Variants in FOXK1 observed in about 807,000 individuals in gnomAD.
FOXK1 encodes the protein forkhead box protein K1.
FOXK1 carries 19 observed loss-of-function variants against 51.9 expected under a neutral mutation model. The ratio of observed to expected loss-of-function variants is 0.37; its 90% confidence interval spans 0.26 to 0.54. The LOEUF (loss-of-function observed/expected upper bound fraction) is 0.54. Among genes scored for constraint, FOXK1 ranks in the 20% least tolerant of loss-of-function variants. FOXK1 has a pLI of 0.87. For synonymous variants in FOXK1, 537 were observed against 482.6 expected (o/e 1.11, Z -1.48); for missense variants, 870 against 1,032.7 (o/e 0.84, Z 2.16).
rs1445736799 is a variant in FOXK1 at position 4,729,385 on chromosome 7, A to G, written c.561-11453A>G. Among the ~76,000 whole-genome samples, 1 of 152,158 alleles carries G rather than the reference A, an allele frequency of 6.6e-6. No homozygotes were observed. The highest frequency in any genetic ancestry group is 1.5e-5 in the Non-Finnish European group (1 of 68,030). The stretch of plus-strand genomic sequence containing the variant: ...GCAGAGTAAAGCTGTGGGAGTCACC[A>G]CGGGTCCCCATGTTGGGATTGGGAA... On this transcript the variant is annotated intron_variant, in intron 1 of 8. Coordinates refer to ENST00000328914, the MANE Select transcript of FOXK1 (RefSeq NM_001037165.2). This position sits in a 1 kb window ranked among gnomAD's most constrained non-coding sequence, Gnocchi z 6.2.
At chr7:4,685,971 C>A (rs542085742) in intron 1 of FOXK1, among the ~76,000 whole-genome samples, 87 of 150,290 alleles carry the variant, frequency 5.8e-4, no homozygotes, top group Admixed American at 3.7e-3. Flanking sequence ...AAAAAAAAAA[C>A]CAAAAAACGA....
In FOXK1 at chr7:4,709,615, C is replaced by A. The variant is rs1258279088; in HGVS notation, c.560+26747C>A. On this transcript the variant is annotated intron_variant, in intron 1 of 8. Transcript: ENST00000328914. This position sits in a 1 kb window ranked among gnomAD's most constrained non-coding sequence, Gnocchi z 5.6. ...TGGTCTGCTAGAAAAGGGGAGGTTGCAGAAGATTTTAACTTTGTTAAAATC... is the reference window on the plus strand; with the variant it reads ...TGGTCTGCTAGAAAAGGGGAGGTTGAAGAAGATTTTAACTTTGTTAAAATC... Among the ~76,000 whole-genome samples, 7 of 152,184 alleles carry A rather than the reference C, an allele frequency of 4.6e-5. No individual in the cohort carries two copies. Among genetic ancestry groups the A allele is most frequent in the Non-Finnish European group, 1.0e-4 (7 of 68,042 alleles).
Position 4,735,178 on chromosome 7 carries a change from G to T in FOXK1, c.561-5660G>T, listed in dbSNP as rs1337947879. Among the ~76,000 whole-genome samples the T allele has an allele frequency of 1.3e-5, 2 of 152,134 alleles. No individual in the cohort carries two copies. The highest frequency in any genetic ancestry group is 2.9e-5 in the Non-Finnish European group (2 of 68,030). ...GTGGCCAGTTCCAGCTCGCTGTGTAGAGACGGCTCTGTGGTCTGAGGCTGA... is the reference window on the plus strand; with the variant it reads ...GTGGCCAGTTCCAGCTCGCTGTGTATAGACGGCTCTGTGGTCTGAGGCTGA... On this transcript the variant is annotated intron_variant, in intron 1 of 8. Coordinates refer to ENST00000328914, the MANE Select transcript of FOXK1 (RefSeq NM_001037165.2). The surrounding 1 kb of genome is among the most constrained non-coding windows in gnomAD (Gnocchi z 4.7).
Position 4,682,595 on chromosome 7 carries a change from C to A in FOXK1, c.287C>A (p.Ala96Asp). 7.5e-7 allele frequency: 1 copy of A among 1,334,460 alleles called. No individual in the cohort carries two copies. 82.7% of individuals were successfully genotyped at this position (1,334,460 alleles called of 1,614,324 possible). ...AAPALVAAAA[A>D]SVRQSPGPAL... ...CCGGCCCTGGTGGCCGCGGCGGCCG[C>A]CTCGGTACGGCAGAGCCCGGGGCCG... Residue 96 changes from alanine (A) to aspartate (D), a missense_variant, in exon 1 of 9, where the codon GCC becomes GAC. Physicochemically the swap from Ala to Asp is moderately radical, Grantham distance 126. Transcript: ENST00000328914. The surrounding 1 kb of genome is among the most constrained non-coding windows in gnomAD (Gnocchi z 7.6).
intron 1 of FOXK1, among the ~76,000 whole-genome samples, chr7:4,718,967 G>A (rs542059444): frequency 2.6e-5 from 4 of 152,112 alleles, no homozygotes; most frequent in African/African-American, 7.2e-5. Flanking sequence ...CCGCCACCAC[G>A]CCCGGCTAAT....
In FOXK1 at chr7:4,682,545, G is replaced by T; in HGVS notation, c.237G>T (p.Gly79=). The T allele has an allele frequency of 1.1e-5, 13 of 1,149,482 alleles. No homozygotes were observed. Among genetic ancestry groups the T allele is most frequent in the Non-Finnish European group, 1.4e-5 (13 of 938,502 alleles). 71.2% of individuals were successfully genotyped at this position (1,149,482 alleles called of 1,614,324 possible). ...CCGGGGGCTCCTCCGGGGTATCCGG[G>T]GACTCCGCGGTCGCGGGCGCGGCGC... is the stretch of plus-strand genomic sequence containing the variant. ...GSSGGSSGVS[G]DSAVAGAAPA... The change falls in exon 1 of 9, where the codon GGG becomes GGT. Residue 79 remains glycine (G), a synonymous_variant. Transcript: ENST00000328914. This position sits in a 1 kb window ranked among gnomAD's most constrained non-coding sequence, Gnocchi z 7.6.
chr7:4,728,347 T>A (rs1043294224), intron 1 of FOXK1, among the ~76,000 whole-genome samples: 1 of 152,248 alleles, frequency 6.6e-6, no homozygotes, highest in African/African-American at 2.4e-5. Context: ...ATTTTAACCC[T>A]CAGTCCTCGG....
chr7:4,756,266 C>A lies in FOXK1; in HGVS notation c.1051-728C>A, dbSNP rs1780851941. 6.6e-6 allele frequency among the ~76,000 whole-genome samples: 1 copy of A among 152,186 alleles called. No homozygotes were observed. Among genetic ancestry groups the A allele is most frequent in the African/African-American group, 2.4e-5 (1 of 41,552 alleles). On this transcript the variant is annotated intron_variant, in intron 4 of 8. Transcript: ENST00000328914. This position sits in a 1 kb window ranked among gnomAD's most constrained non-coding sequence, Gnocchi z 4.1. Reference sequence around the variant, plus strand: ...AGTAGCTGGGGCTACAGGTGCCCACCACCACACCTGGCTATTTTTTGTATT... The same window carrying A: ...AGTAGCTGGGGCTACAGGTGCCCACAACCACACCTGGCTATTTTTTGTATT...
At chr7:4,728,619 G>A (rs1442530781) in intron 1 of FOXK1, among the ~76,000 whole-genome samples, 2 of 151,916 alleles carry the variant, frequency 1.3e-5, no homozygotes, top group Non-Finnish European at 2.9e-5. Context: ...AGCTAGGCGT[G>A]GTGGTGCAAG....
intron 1 of FOXK1, among the ~76,000 whole-genome samples, chr7:4,695,235 C>T (rs1779937601): frequency 6.6e-6 from 1 of 152,244 alleles, no homozygotes; most frequent in African/African-American, 2.4e-5. Flanking sequence ...TATCCACCTC[C>T]CTCGGGTTGG....
intron 1 of FOXK1, among the ~76,000 whole-genome samples, chr7:4,701,839 G>T (rs1780024467): frequency 6.6e-6 from 1 of 152,250 alleles, no homozygotes; most frequent in Non-Finnish European, 1.5e-5. Flanking sequence ...TTTGCAGTGA[G>T]CGGAGATCGC....
chr7:4,755,320 C>T lies in FOXK1; in HGVS notation c.987C>T (p.Ser329=), dbSNP rs148899828. The change falls in exon 4 of 9, where the codon AGC becomes AGT. Residue 329 remains serine, a synonymous_variant. Coordinates refer to ENST00000328914, the MANE Select transcript of FOXK1 (RefSeq NM_001037165.2). This position sits in a 1 kb window ranked among gnomAD's most constrained non-coding sequence, Gnocchi z 6.6. Reference sequence around the variant, plus strand: ...CCCAGGACCGGCAGCTGACCCTGAGCGGGATCTACGCCCACATCACCAAGC... The same window carrying T: ...CCCAGGACCGGCAGCTGACCCTGAGTGGGATCTACGCCCACATCACCAAGC... ...SSAQDRQLTL[S]GIYAHITKHY... The T allele has an allele frequency of 5.4e-4, 870 of 1,613,876 alleles. 6 individuals are homozygous for T. Among genetic ancestry groups the T allele is most frequent in the Non-Finnish European group, 7.6e-5 (90 of 1,180,032 alleles).
At chr7:4,717,710 C>G (rs1294494570) in intron 1 of FOXK1, among the ~76,000 whole-genome samples, 1 of 152,184 alleles carries the variant, frequency 6.6e-6, no homozygotes, top group Non-Finnish European at 1.5e-5. Flanking sequence ...CCTTGTCTCT[C>G]TGAGCATTGC....
intron 3 of FOXK1, 181 bp downstream of exon 3, chr7:4,754,796 A>G (rs554512023): frequency 9.1e-6 from 7 of 770,538 alleles, no homozygotes; most frequent in African/African-American, 8.7e-5. Flanking sequence ...TTCGTGCCCA[A>G]ATCATCCCCG....
At position 4,756,953 on chromosome 7, in the gene FOXK1, T is replaced by A; in HGVS notation, c.1051-41T>A. On this transcript the variant is annotated intron_variant, in intron 4 of 8. Transcript: ENST00000328914. The surrounding 1 kb of genome is among the most constrained non-coding windows in gnomAD (Gnocchi z 4.1). ...TTTGAGGTGGGTGGGACTCATTTTC[T>A]GATTTGCTGGTGATGGGTGAATATC... 1 of 1,600,496 alleles carries A rather than the reference T, an allele frequency of 6.2e-7. No homozygotes were observed. Among genetic ancestry groups the A allele is most frequent in the Middle Eastern group, 1.9e-4 (1 of 5,228 alleles).
rs894359320 is a variant in FOXK1, at chr7:4,747,424, T to C, written c.746+6401T>C. Reference sequence around the variant, plus strand: ...AGAGCAGCTCCTGTTGAAGCCACCATGCTGGTTATTCTCACCAGGGCAAAG... The same window carrying C: ...AGAGCAGCTCCTGTTGAAGCCACCACGCTGGTTATTCTCACCAGGGCAAAG... On this transcript the variant is annotated intron_variant, in intron 2 of 8. Transcript: ENST00000328914. The surrounding 1 kb of genome is among the most constrained non-coding windows in gnomAD (Gnocchi z 9.2). 1.3e-5 allele frequency among the ~76,000 whole-genome samples: 2 copies of C among 152,372 alleles called. No homozygotes were observed. Among genetic ancestry groups the C allele is most frequent in the Admixed American group, 6.5e-5 (1 of 15,308 alleles).
In FOXK1 at chr7:4,683,072, C is replaced by T. The variant is rs922901225; in HGVS notation, c.560+204C>T. ...TGGCTCCCTAGGATCACCCCGACCCCGATCCTGGAGGCTCCAGCCTGAGGA... is the reference window on the plus strand; with the variant it reads ...TGGCTCCCTAGGATCACCCCGACCCTGATCCTGGAGGCTCCAGCCTGAGGA... On this transcript the variant is annotated intron_variant, in intron 1 of 8. Coordinates refer to ENST00000328914, the MANE Select transcript of FOXK1 (RefSeq NM_001037165.2). The surrounding 1 kb of genome is among the most constrained non-coding windows in gnomAD (Gnocchi z 4.5). Among the ~76,000 whole-genome samples the T allele has an allele frequency of 6.6e-6, 1 of 151,330 alleles. No individual in the cohort carries two copies. The highest frequency in any genetic ancestry group is 2.4e-5 in the African/African-American group (1 of 41,174).
intron 1 of FOXK1, among the ~76,000 whole-genome samples, chr7:4,697,443 A>G (rs1252739090): frequency 1.3e-5 from 2 of 152,196 alleles, no homozygotes; most frequent in East Asian, 1.9e-4. Flanking sequence ...GGAACACACC[A>G]GGCACATTTG....
In FOXK1 at chr7:4,768,346, A is replaced by G. The variant is rs992376654; in HGVS notation, c.*5882A>G. On this transcript the variant is annotated 3_prime_UTR_variant, in exon 9 of 9. Coordinates refer to ENST00000328914, the MANE Select transcript of FOXK1 (RefSeq NM_001037165.2). ...ACGGGGTTTCACCGTGTTAGCCAGG[A>G]TGGTCTCGATCTCCTGACCTCGTGA... 4 of 138,286 alleles carry G rather than the reference A, an allele frequency of 2.9e-5. No homozygotes were observed. Among genetic ancestry groups the G allele is most frequent in the African/African-American group, 1.3e-4 (4 of 29,642 alleles). 8.6% of individuals were successfully genotyped at this position (138,286 alleles called of 1,614,324 possible).
Sources: allele counts gnomAD v4.1 joint callset (sites outside exome capture counted in the v4.1 genomes callset), GRCh38; gene constraint gnomAD v4.1.1; non-coding constraint Gnocchi (gnomAD v3.1); transcripts MANE v1.5; gene names NCBI Gene and HGNC (gene_info 2026-07-23, HGNC 2026-07-21).